NEGR1: variants seen among roughly 807,000 people sequenced by gnomAD.
NEGR1 encodes neuronal growth regulator 1.
NEGR1 carries 10 observed loss-of-function variants against 40.9 expected under a neutral mutation model. That is an observed-to-expected ratio of 0.24 (90% CI 0.15 to 0.42). The LOEUF (loss-of-function observed/expected upper bound fraction) is 0.42. Among genes scored for constraint, NEGR1 ranks in the 10% least tolerant of loss-of-function variants. The pLI is 1.00. For synonymous variants in NEGR1, 185 were observed against 166.8 expected (o/e 1.11, Z -0.84); for missense variants, 352 against 438.9 (o/e 0.80, Z 1.77).
intron 3 of NEGR1, among the ~76,000 whole-genome samples, chr1:71,775,137 A>T (rs776458988): frequency 1.3e-5 from 2 of 152,182 alleles, no homozygotes; most frequent in African/African-American, 2.4e-5. Flanking sequence ...TGATTACTTT[A>T]GCGGTTCATG....
At chr1:71,905,664 T>A (rs1661255816) in intron 2 of NEGR1, among the ~76,000 whole-genome samples, 1 of 152,124 alleles carries the variant, frequency 6.6e-6, no homozygotes, top group Admixed American at 6.6e-5. Context: ...TTTTGAATAA[T>A]CTTTCTGACC....
At chr1:71,590,508 A>G (rs1649462838) in intron 6 of NEGR1, among the ~76,000 whole-genome samples, 1 of 151,758 alleles carries the variant, frequency 6.6e-6, no homozygotes, top group Non-Finnish European at 1.5e-5. Flanking sequence ...TCCAACATCT[A>G]GTGCCGTGCT....
chr1:71,631,126 A>G (rs2101564371), intron 4 of NEGR1, among the ~76,000 whole-genome samples: 1 of 152,066 alleles, frequency 6.6e-6, no homozygotes, highest in South Asian at 2.1e-4. Flanking sequence ...AATTAATTGT[A>G]AAAGTCAAAA....
At chr1:71,456,326 T>G (rs1392004928) in intron 6 of NEGR1, among the ~76,000 whole-genome samples, 1 of 152,180 alleles carries the variant, frequency 6.6e-6, no homozygotes, top group Non-Finnish European at 1.5e-5. Context: ...CAGGCTGGTC[T>G]CAAACTCCTG....
At chr1:72,023,266 G>A (rs918913735) in intron 1 of NEGR1, among the ~76,000 whole-genome samples, 1 of 152,010 alleles carries the variant, frequency 6.6e-6, no homozygotes, top group South Asian at 2.1e-4. Context: ...TGGTGGTATC[G>A]TACCCCGAGC....
rs1422134656 is a variant in NEGR1, at chr1:71,772,997, A to G, written c.535+3175T>C. Among the ~76,000 whole-genome samples the G allele has an allele frequency of 2.0e-5, 3 of 152,348 alleles. No homozygotes were observed. The South Asian group carries it at 6.2e-4, about 32-fold the overall frequency. ...TCATTGATAAGGTGAACTGTAAGGA[A>G]GCTCACATATCCAGAAACATCTCAG... On this transcript the variant is annotated intron_variant, in intron 3 of 6. Coordinates refer to ENST00000357731, the MANE Select transcript of NEGR1 (RefSeq NM_173808.3).
At chr1:71,891,104 C>A (rs199578677) in intron 2 of NEGR1, among the ~76,000 whole-genome samples, 1 of 4,032 alleles carries the variant, frequency 2.5e-4, no homozygotes, top group African/African-American at 8.9e-4. Context: ...TAAATGCCTA[C>A]AAGAGAAAGC....
At chr1:72,198,481 A>AG (rs1256052987) in intron 1 of NEGR1, among the ~76,000 whole-genome samples, 4 of 151,928 alleles carry the variant, frequency 2.6e-5, no homozygotes, top group Admixed American at 2.0e-4. Flanking sequence ...AACCTCTGGA[A>AG]GGTAATGTGT....
intron 1 of NEGR1, among the ~76,000 whole-genome samples, chr1:72,219,535 A>G (rs1653941867): frequency 6.6e-6 from 1 of 152,044 alleles, no homozygotes; most frequent in Non-Finnish European, 1.5e-5. Context: ...CATGTCTGCC[A>G]TGGGAAAAAT....
chr1:71,945,445 A>G (rs756184281), intron 1 of NEGR1, among the ~76,000 whole-genome samples: 5 of 152,178 alleles, frequency 3.3e-5, no homozygotes, highest in Non-Finnish European at 5.9e-5. Flanking sequence ...GAAGAAGGAA[A>G]AAAATAAAGA....
chr1:71,461,102 A>G (rs1018221729), intron 6 of NEGR1, among the ~76,000 whole-genome samples: 2 of 152,152 alleles, frequency 1.3e-5, no homozygotes, highest in African/African-American at 4.8e-5. Flanking sequence ...TTTTCAATCA[A>G]TGGGTGTTCA....
chr1:71,574,386 T>C (rs1648897728), intron 6 of NEGR1, among the ~76,000 whole-genome samples: 1 of 152,238 alleles, frequency 6.6e-6, no homozygotes, highest in African/African-American at 2.4e-5. Context: ...AAGTAGGGTA[T>C]AATCTCAGAC....
chr1:72,215,328 C>A (rs926360974), intron 1 of NEGR1, among the ~76,000 whole-genome samples: 2 of 152,006 alleles, frequency 1.3e-5, no homozygotes, highest in African/African-American at 4.8e-5. Context: ...AACTAAAACA[C>A]CAAAAGCAAT....
intron 1 of NEGR1, among the ~76,000 whole-genome samples, chr1:72,131,861 C>G (rs1048277052): frequency 6.6e-6 from 1 of 152,104 alleles, no homozygotes; most frequent in Non-Finnish European, 1.5e-5. Flanking sequence ...CTTTGGGAGG[C>G]TGAGATGGGA....
chr1:71,784,345 C>CT lies in NEGR1; in HGVS notation c.410-8049dup, dbSNP rs879743412. 5.8e-3 allele frequency among the ~76,000 whole-genome samples: 838 copies of CT among 143,692 alleles called. 3 individuals are homozygous for CT. The highest frequency in any genetic ancestry group is 7.6e-3 in the Non-Finnish European group (492 of 65,156). The allele number at this position is 143,692 out of a possible 152,430, so 94.3% of individuals were successfully genotyped here. On this transcript the variant is annotated intron_variant, in intron 2 of 6. Coordinates refer to ENST00000357731, the MANE Select transcript of NEGR1 (RefSeq NM_173808.3). ...AAAATCTGCACTCTAAGTAGAAAGG[C>CT]TTTTTTTTTTTTAAAGATCCTCAGA...
intron 1 of NEGR1, among the ~76,000 whole-genome samples, chr1:71,951,029 G>C (rs1646065881): frequency 6.6e-6 from 1 of 151,618 alleles, no homozygotes; most frequent in African/African-American, 2.4e-5. Context: ...TTATTTAATG[G>C]CCTCCTTTAT....
intron 1 of NEGR1, among the ~76,000 whole-genome samples, chr1:71,947,787 A>T (rs11209874): frequency 0.099 from 15,003 of 151,542 alleles, 849 homozygotes; most frequent in African/African-American, 0.12. Context: ...AAAAAAAAAA[A>T]ATATGGAAAT....
At chr1:71,919,319 G>A (rs1661691576) in intron 2 of NEGR1, among the ~76,000 whole-genome samples, 1 of 152,088 alleles carries the variant, frequency 6.6e-6, no homozygotes, top group South Asian at 2.1e-4. Context: ...TCGTTATCCT[G>A]AACAATATTT....
chr1:71,528,737 A>C (rs1410042147), intron 6 of NEGR1, among the ~76,000 whole-genome samples: 1 of 151,250 alleles, frequency 6.6e-6, no homozygotes, highest in Non-Finnish European at 1.5e-5. Context: ...TTGATGATAT[A>C]GCTGTAGGCA....
Sources: gnomAD v4.1 joint callset for allele counts (sites outside exome capture counted in the v4.1 genomes callset) on GRCh38, gnomAD v4.1.1 for gene constraint, MANE v1.5 for transcripts, NCBI Gene and HGNC (gene_info 2026-07-23, HGNC 2026-07-21) for gene names.